Variants in TMEM161B observed in about 807,000 individuals in gnomAD.
TMEM161B encodes transmembrane protein 161B.
TMEM161B carries 34 observed loss-of-function variants against 61.8 expected under a neutral mutation model. The observed-to-expected ratio is 0.55, with a 90% CI of 0.42 to 0.73. The LOEUF is 0.73. Ranked by LOEUF, TMEM161B falls within the 30% of genes least tolerant of loss-of-function variation. The probability of loss-of-function intolerance (pLI) is 0.00; values close to 1 mark genes in which losing one functional copy is unlikely to be tolerated. For synonymous variants in TMEM161B, 167 were observed against 192.8 expected, an observed-to-expected ratio of 0.87 and a Z score of 1.11; for missense variants, 456 against 558.5, an observed-to-expected ratio of 0.82 and a Z score of 1.85.
chr5:88,189,027 A>C (rs1029619848), downstream of TMEM161B, among the ~76,000 whole-genome samples: 8 of 151,900 alleles, frequency 5.3e-5, no homozygotes, highest in Non-Finnish European at 1.0e-4. Context: ...TCTCATCTAC[A>C]CTACCCAGGT....
At chr5:88,200,090 A>C (rs1744098862) in intron 9 of TMEM161B, 1 of 110,028 alleles carries the variant, frequency 9.1e-6, no homozygotes, top group African/African-American at 2.5e-5. Flanking sequence ...CAAATGAGAA[A>C]AGATTAAAAA....
intron 2 of TMEM161B, among the ~76,000 whole-genome samples, 181 bp downstream of exon 2, chr5:88,240,632 G>A (rs1157925582): frequency 1.3e-5 from 2 of 151,412 alleles, no homozygotes; most frequent in Non-Finnish European, 3.0e-5. Context: ...AATAGCCTGG[G>A]CAACATAGCA....
chr5:88,185,844 G>A (rs1464179761), downstream of TMEM161B, among the ~76,000 whole-genome samples: 2 of 152,118 alleles, frequency 1.3e-5, no homozygotes, highest in African/African-American at 4.8e-5. Context: ...ATGAGTTGTG[G>A]GACAAATTCA....
In TMEM161B at chr5:88,232,323, C is replaced by CA. The variant is rs546628118; in HGVS notation, c.108-3796dup. ...CATAAAAGCACTGATTTTGGAATTA[C>CA]AAATAAATTTTAGCAAGTAGGCAAA... On this transcript the variant is annotated intron_variant, in intron 2 of 11. Coordinates refer to ENST00000296595, the MANE Select transcript of TMEM161B (RefSeq NM_153354.5). 6.9e-3 allele frequency among the ~76,000 whole-genome samples: 1,053 copies of CA among 152,160 alleles called. 12 individuals carry two copies. Among genetic ancestry groups the CA allele is most frequent in the African/African-American group, 0.024 (989 of 41,500 alleles).
intron 1 of TMEM161B, among the ~76,000 whole-genome samples, chr5:88,256,845 C>T (rs1279252578): frequency 6.6e-6 from 1 of 152,218 alleles, no homozygotes; most frequent in Non-Finnish European, 1.5e-5. Flanking sequence ...ACACACTAAA[C>T]TTTAGCATAA....
At chr5:88,216,478 T>G (rs1157462268) in intron 5 of TMEM161B, among the ~76,000 whole-genome samples, 1 of 152,216 alleles carries the variant, frequency 6.6e-6, no homozygotes, top group Non-Finnish European at 1.5e-5. Flanking sequence ...GAATTTAAAA[T>G]CTGCTCTTGG....
At chr5:88,188,297 G>A (rs1312232489), downstream of TMEM161B, among the ~76,000 whole-genome samples, 1 of 134,160 alleles carries the variant, frequency 7.5e-6, no homozygotes, top group African/African-American at 2.8e-5. Context: ...TTTTTTTTTA[G>A]TAGGGACAGG....
chr5:88,256,087 T>C (rs570797188), intron 1 of TMEM161B, among the ~76,000 whole-genome samples: 1 of 152,198 alleles, frequency 6.6e-6, no homozygotes. Flanking sequence ...AGGAAAAAGA[T>C]ACTTTTTCAT....
At chr5:88,199,368 G>C (rs993151263) in intron 9 of TMEM161B, 10 of 390,944 alleles carry the variant, frequency 2.6e-5, no homozygotes, top group African/African-American at 2.1e-4. Context: ...GAAGTTAACA[G>C]GTATCTAGAA....
chr5:88,190,398 A>G, downstream of TMEM161B: 3 of 620,896 alleles, frequency 4.8e-6, no homozygotes, highest in South Asian at 5.5e-5. Flanking sequence ...GTACAATTGC[A>G]GCTCCTAGCA....
downstream of TMEM161B, among the ~76,000 whole-genome samples, chr5:88,186,539 G>A (rs1748365379): frequency 1.3e-5 from 2 of 151,408 alleles, no homozygotes; most frequent in African/African-American, 2.4e-5. Context: ...CTTTTGTCTC[G>A]TTTTGCAAGT....
intron 9 of TMEM161B, 88 bp from the exon 10 acceptor site, chr5:88,199,238 T>A (rs937537188): frequency 6.0e-6 from 8 of 1,331,106 alleles, no homozygotes; most frequent in Admixed American, 2.7e-5. Flanking sequence ...ATATAAGATA[T>A]AAGAAGTCTA....
chr5:88,207,517 A>G (rs576711939), intron 5 of TMEM161B, among the ~76,000 whole-genome samples: 4 of 152,336 alleles, frequency 2.6e-5, no homozygotes, highest in African/African-American at 4.8e-5. Context: ...AATTAAACAC[A>G]TAACACAGGA....
At chr5:88,229,619 G>A (rs1221032202) in intron 2 of TMEM161B, among the ~76,000 whole-genome samples, 1 of 149,708 alleles carries the variant, frequency 6.7e-6, no homozygotes, top group Non-Finnish European at 1.5e-5. Context: ...AATGAATAAG[G>A]CAGCTAGGCA....
chr5:88,196,960 G>A (rs918757391), intron 11 of TMEM161B, among the ~76,000 whole-genome samples: 1 of 152,042 alleles, frequency 6.6e-6, no homozygotes, highest in African/African-American at 2.4e-5. Context: ...ACAGTGGATA[G>A]GATATGAGCC....
chr5:88,216,583 T>G (rs553293374), intron 5 of TMEM161B, among the ~76,000 whole-genome samples: 1 of 152,226 alleles, frequency 6.6e-6, no homozygotes, highest in Non-Finnish European at 1.5e-5. Context: ...GGATATTGAC[T>G]CTTAAGACTT....
intron 9 of TMEM161B, 161 bp from the exon 10 acceptor site, chr5:88,199,311 C>CCTG: frequency 1.8e-6 from 1 of 566,914 alleles, no homozygotes; most frequent in Non-Finnish European, 2.9e-6. Context: ...CTGTATAATA[C>CCTG]TTTAACTTGA....
chr5:88,265,238 T>C (rs1017342057), intron 1 of TMEM161B, among the ~76,000 whole-genome samples: 2 of 152,222 alleles, frequency 1.3e-5, no homozygotes, highest in African/African-American at 4.8e-5. Flanking sequence ...TTAACCCACT[T>C]TTCAAAACTC....
intron 5 of TMEM161B, among the ~76,000 whole-genome samples, chr5:88,214,615 C>T (rs984767911): frequency 6.6e-6 from 1 of 152,186 alleles, no homozygotes; most frequent in African/African-American, 2.4e-5. Flanking sequence ...CACACGCCTA[C>T]AGCAACTCTA....
Sources: allele counts gnomAD v4.1 joint callset (sites outside exome capture counted in the v4.1 genomes callset), GRCh38; gene constraint gnomAD v4.1.1; transcripts MANE v1.5; gene names NCBI Gene and HGNC (gene_info 2026-07-23, HGNC 2026-07-21).